CBFB: variants seen among roughly 807,000 people sequenced by gnomAD.
CBFB encodes core-binding factor subunit beta, also known as CBF-beta.
In CBFB, 9 loss-of-function variants were observed where a neutral mutation model predicts 30.4. That is an observed-to-expected ratio of 0.30 (90% CI 0.18 to 0.52). The LOEUF (loss-of-function observed/expected upper bound fraction) is 0.52. CBFB is among the 20% of genes least tolerant of loss of function. The probability of loss-of-function intolerance (pLI) is 0.97; values close to 1 mark genes in which losing one functional copy is unlikely to be tolerated. For missense variants in CBFB, 170 were observed against 244.0 expected, an observed-to-expected ratio of 0.70 and a Z score of 2.02; for synonymous variants, 94 against 84.0, an observed-to-expected ratio of 1.12 and a Z score of -0.65.
chr16:67,081,365 C>T (rs1042243985), intron 4 of CBFB, among the ~76,000 whole-genome samples: 4 of 151,862 alleles, frequency 2.6e-5, no homozygotes, highest in Admixed American at 6.6e-5. Flanking sequence ...CACATGCACA[C>T]GTATGTTTAT....
chr16:67,044,524 AT>A (rs985840061), intron 3 of CBFB, among the ~76,000 whole-genome samples: 4 of 151,914 alleles, frequency 2.6e-5, no homozygotes, highest in Admixed American at 6.6e-5. Context: ...GATAAGTTGT[AT>A]TTTTTTTCTT....
chr16:67,089,729 C>T (rs1223469850), intron 5 of CBFB, among the ~76,000 whole-genome samples: 1 of 152,104 alleles, frequency 6.6e-6, no homozygotes, highest in Admixed American at 6.6e-5. Context: ...ATAATGAGGA[C>T]TCTGGATGTA....
At chr16:67,092,583 A>G (rs908925391) in intron 5 of CBFB, among the ~76,000 whole-genome samples, 1 of 151,192 alleles carries the variant, frequency 6.6e-6, no homozygotes, top group African/African-American at 2.4e-5. Context: ...CTAAAATTCT[A>G]TAATTCTGTA....
chr16:67,076,205 G>C (rs1392730807), intron 4 of CBFB, among the ~76,000 whole-genome samples: 2 of 151,876 alleles, frequency 1.3e-5, no homozygotes, highest in Non-Finnish European at 2.9e-5. Flanking sequence ...ACTCCAGCCT[G>C]GTGACAGAGC....
intron 4 of CBFB, among the ~76,000 whole-genome samples, chr16:67,071,460 T>G (rs1296490820): frequency 1.3e-5 from 2 of 152,154 alleles, no homozygotes; most frequent in African/African-American, 4.8e-5. Context: ...AGTGAGAAGA[T>G]GGATGTCTGC....
At chr16:67,055,848 G>C (rs1960708519) in intron 3 of CBFB, among the ~76,000 whole-genome samples, 3 of 152,178 alleles carry the variant, frequency 2.0e-5, no homozygotes, top group African/African-American at 7.2e-5. Flanking sequence ...GTCCATTTAT[G>C]AACAGGGAGG....
intron 4 of CBFB, among the ~76,000 whole-genome samples, chr16:67,069,337 T>G (rs1961152274): frequency 6.6e-6 from 1 of 150,694 alleles, no homozygotes; most frequent in African/African-American, 2.4e-5. Context: ...ATCACTGCAC[T>G]CCAGCCTGGG....
chr16:67,041,968 C>T (rs1455539502), intron 3 of CBFB, among the ~76,000 whole-genome samples: 6 of 150,298 alleles, frequency 4.0e-5, no homozygotes, highest in South Asian at 4.2e-4. Context: ...AGTACAGTGG[C>T]GCCGTCATGG....
At chr16:67,034,913 A>G (rs1966415097) in intron 2 of CBFB, among the ~76,000 whole-genome samples, 4 of 152,174 alleles carry the variant, frequency 2.6e-5, no homozygotes, top group Admixed American at 2.0e-4. Context: ...CATAGCATTT[A>G]CTTGGTACTG....
At chr16:67,080,094 AAATAAT>A (rs1049637297) in intron 4 of CBFB, among the ~76,000 whole-genome samples, 2 of 152,302 alleles carry the variant, frequency 1.3e-5, no homozygotes, top group Admixed American at 6.5e-5. Flanking sequence ...TCTGTCTCAA[AAATAAT>A]AATAATAATA....
At chr16:67,041,529 G>A (rs1966530048) in intron 3 of CBFB, among the ~76,000 whole-genome samples, 1 of 152,120 alleles carries the variant, frequency 6.6e-6, no homozygotes, top group South Asian at 2.1e-4. Context: ...TTGAACCCGG[G>A]AAGGGGAGGT....
chr16:67,088,880 A>T (rs8047502), intron 5 of CBFB, among the ~76,000 whole-genome samples: 5,532 of 152,282 alleles, frequency 0.036, 336 homozygotes, highest in African/African-American at 0.12. Flanking sequence ...TGTAAGGTTA[A>T]GATTACTAAG....
chr16:67,076,058 C>T (rs950952096), intron 4 of CBFB, among the ~76,000 whole-genome samples: 3 of 152,076 alleles, frequency 2.0e-5, no homozygotes, highest in Non-Finnish European at 4.4e-5. Flanking sequence ...GGTGAAACCC[C>T]GTATCAACTA....
intron 3 of CBFB, among the ~76,000 whole-genome samples, chr16:67,055,334 A>G (rs1373680769): frequency 1.4e-5 from 2 of 145,464 alleles, no homozygotes; most frequent in Non-Finnish European, 3.0e-5. Flanking sequence ...AGTGTATTAA[A>G]TCTATTGAAT....
chr16:67,037,119 G>T (rs1966453483), intron 3 of CBFB, among the ~76,000 whole-genome samples: 1 of 152,036 alleles, frequency 6.6e-6, no homozygotes, highest in African/African-American at 2.4e-5. Flanking sequence ...GGCTGGTCTC[G>T]AACTCCTGAC....
At chr16:67,043,962 T>C (rs958094347) in intron 3 of CBFB, among the ~76,000 whole-genome samples, 2 of 152,344 alleles carry the variant, frequency 1.3e-5, no homozygotes, top group Admixed American at 6.5e-5. Context: ...AATTCTTTAA[T>C]CTAGCTGTCA....
At chr16:67,074,569 G>A (rs545205663) in intron 4 of CBFB, among the ~76,000 whole-genome samples, 2 of 152,134 alleles carry the variant, frequency 1.3e-5, no homozygotes, top group African/African-American at 4.8e-5. Context: ...TTTTAGTAGA[G>A]ACGAGGTTTC....
intron 4 of CBFB, 67 bp from the exon 5 acceptor site, chr16:67,082,143 AAAC>A (rs1961576007): frequency 7.5e-6 from 10 of 1,327,826 alleles, no homozygotes; most frequent in Middle Eastern, 2.3e-4. Context: ...AAAAAAAAAA[AAAC>A]AAAACCCAAA....
At chr16:67,058,289 C>T (rs921752000) in intron 3 of CBFB, among the ~76,000 whole-genome samples, 23 of 152,012 alleles carry the variant, frequency 1.5e-4, no homozygotes, top group African/African-American at 4.4e-4. Flanking sequence ...TACAGTTGTG[C>T]GCCACCATGT....
Sources: allele counts gnomAD v4.1 joint callset (sites outside exome capture counted in the v4.1 genomes callset), GRCh38; gene constraint gnomAD v4.1.1; transcripts MANE v1.5; gene names NCBI Gene and HGNC (gene_info 2026-07-23, HGNC 2026-07-21).